CREB5: variants seen among roughly 807,000 people sequenced by gnomAD.
The protein encoded by CREB5 is cAMP responsive element binding protein 5.
Under a neutral mutation model 57.1 loss-of-function variants are expected in CREB5, and 19 were observed. That is an observed-to-expected ratio of 0.33 (90% CI 0.23 to 0.49). The LOEUF (loss-of-function observed/expected upper bound fraction) is 0.49. Among genes scored for constraint, CREB5 ranks in the 20% least tolerant of loss-of-function variants. CREB5 has a pLI of 0.99. For missense variants in CREB5, 579 were observed against 671.6 expected, an observed-to-expected ratio of 0.86 and a Z score of 1.52; for synonymous variants, 238 against 238.3, an observed-to-expected ratio of 1.00 and a Z score of 0.01.
chr7:28,524,532 G>A (rs937061327), intron 4 of CREB5, among the ~76,000 whole-genome samples: 1 of 152,104 alleles, frequency 6.6e-6, no homozygotes, highest in African/African-American at 2.4e-5. Flanking sequence ...GCCAATTCAT[G>A]AAAGAGCTAG....
At chr7:28,445,705 C>T (rs1441179429) in intron 1 of CREB5, among the ~76,000 whole-genome samples, 1 of 152,058 alleles carries the variant, frequency 6.6e-6, no homozygotes, top group Non-Finnish European at 1.5e-5. Context: ...GCGCCCGCCA[C>T]CACGCCTGGC....
rs1186125578 is a variant in CREB5, at chr7:28,821,793, GTTT to G, written c.*2518_*2520del. The G allele has an allele frequency of 6.6e-6, 1 of 152,468 alleles. No individual in the cohort carries two copies. Among genetic ancestry groups the G allele is most frequent in the African/African-American group, 2.4e-5 (1 of 41,382 alleles). 9.4% of individuals were successfully genotyped at this position (152,468 alleles called of 1,614,324 possible). A position where few individuals can be genotyped will look rare whatever the true frequency, so the allele number is the denominator to read the frequency against. ...AGAGTGCATTAAAATGTTTAGTTGGGTTTTTTAATTTTTAATTTTTATGTTATG... is the reference window on the plus strand; with the variant it reads ...AGAGTGCATTAAAATGTTTAGTTGGGTTTAATTTTTAATTTTTATGTTATG... On this transcript the variant is annotated 3_prime_UTR_variant, in exon 11 of 11. Transcript: ENST00000357727.
intron 7 of CREB5, among the ~76,000 whole-genome samples, chr7:28,753,755 T>C (rs1805118603): frequency 6.6e-6 from 1 of 152,154 alleles, no homozygotes; most frequent in Admixed American, 6.5e-5. Flanking sequence ...AGTGAAATGA[T>C]TAAAATTTTT....
In CREB5 at chr7:28,760,893, A is replaced by G. The variant is rs1039779197; in HGVS notation, c.702+36561A>G. On this transcript the variant is annotated intron_variant, in intron 7 of 10. Transcript: ENST00000357727. ...ATTAGGTGTAATAATAGTGCTTTTC[A>G]TTTTCAAAGCACTTTGAAAATGCTA... is the stretch of plus-strand genomic sequence containing the variant. Among the ~76,000 whole-genome samples, 14 of 152,310 alleles carry G rather than the reference A, an allele frequency of 9.2e-5. No homozygotes were observed. In the East Asian group the frequency reaches 2.7e-3, roughly 29 times the overall value.
intron 5 of CREB5, among the ~76,000 whole-genome samples, chr7:28,572,592 G>A (rs1258495775): frequency 6.6e-6 from 1 of 152,054 alleles, no homozygotes; most frequent in Non-Finnish European, 1.5e-5. Flanking sequence ...CCCCCCTGGA[G>A]TTCTCCTGCC....
At chr7:28,589,064 A>G (rs1229958070) in intron 5 of CREB5, among the ~76,000 whole-genome samples, 1 of 152,148 alleles carries the variant, frequency 6.6e-6, no homozygotes, top group East Asian at 1.9e-4. Context: ...ACTTTGAAAC[A>G]TTTCAAACAC....
At chr7:28,603,749 C>T (rs1562522760) in intron 5 of CREB5, among the ~76,000 whole-genome samples, 1 of 152,122 alleles carries the variant, frequency 6.6e-6, no homozygotes. Flanking sequence ...TTACTTAGTC[C>T]GTTAGTTGGT....
rs1453748543 is a variant in CREB5, at chr7:28,820,413, TA to T, written c.*1135del. On this transcript the variant is annotated 3_prime_UTR_variant, in exon 11 of 11. Coordinates refer to ENST00000357727, the MANE Select transcript of CREB5 (RefSeq NM_182898.4). ...CATCAGCTGCTAATAGCCTAAGATTTATTTTTTTTTTTTTCTTAAGCCTATG... is the reference window on the plus strand; with the variant it reads ...CATCAGCTGCTAATAGCCTAAGATTTTTTTTTTTTTTTTCTTAAGCCTATG... 3.7e-5 allele frequency: 3 copies of T among 81,042 alleles called. No homozygotes were observed. Among genetic ancestry groups the T allele is most frequent in the African/African-American group, 1.5e-4 (3 of 20,396 alleles). The allele number at this position is 81,042 out of a possible 1,614,324, so 5.0% of individuals were successfully genotyped here. A position where few individuals can be genotyped will look rare whatever the true frequency, so the allele number is the denominator to read the frequency against.
chr7:28,600,929 G>GC (rs1330745864), intron 5 of CREB5, among the ~76,000 whole-genome samples: 1 of 152,046 alleles, frequency 6.6e-6, no homozygotes, highest in Non-Finnish European at 1.5e-5. Context: ...TGGCTTCCCT[G>GC]CCCCCCTAAG....
At chr7:28,768,199 C>T (rs1362377509) in intron 7 of CREB5, among the ~76,000 whole-genome samples, 1 of 152,062 alleles carries the variant, frequency 6.6e-6, no homozygotes, top group Admixed American at 6.6e-5. Context: ...GGACCTTCTT[C>T]TGTTTCCTCA....
At chr7:28,677,869 A>G (rs1490755346) in intron 5 of CREB5, among the ~76,000 whole-genome samples, 1 of 152,104 alleles carries the variant, frequency 6.6e-6, no homozygotes, top group Non-Finnish European at 1.5e-5. Flanking sequence ...AGCCTGGGCA[A>G]TGCAGTGAGA....
intron 1 of CREB5, among the ~76,000 whole-genome samples, chr7:28,487,298 A>G (rs1014590645): frequency 1.3e-5 from 2 of 152,128 alleles, no homozygotes; most frequent in African/African-American, 4.8e-5. Flanking sequence ...AGATTACATT[A>G]TCGATCCAAC....
intron 1 of CREB5, among the ~76,000 whole-genome samples, chr7:28,446,684 T>C (rs1022883918): frequency 1.3e-5 from 2 of 151,972 alleles, no homozygotes. Context: ...CCCAGCTACT[T>C]GGGAGGCTGA....
At chr7:28,442,614 A>G (rs1243351184) in intron 1 of CREB5, among the ~76,000 whole-genome samples, 2 of 152,130 alleles carry the variant, frequency 1.3e-5, no homozygotes, top group African/African-American at 4.8e-5. Flanking sequence ...CACTGTCAGC[A>G]TGTGTTAACT....
intron 9 of CREB5, among the ~76,000 whole-genome samples, chr7:28,813,313 T>A (rs1252955741): frequency 6.6e-6 from 1 of 152,234 alleles, no homozygotes; most frequent in African/African-American, 2.4e-5. Flanking sequence ...CATCGACTGC[T>A]GATGTGGTAC....
chr7:28,670,605 G>A (rs1160306594), intron 5 of CREB5, among the ~76,000 whole-genome samples: 4 of 152,074 alleles, frequency 2.6e-5, no homozygotes, highest in Admixed American at 6.6e-5. Context: ...TACAGAGTAC[G>A]GCATAAGGGG....
At chr7:28,526,920 T>C (rs1177413382) in intron 4 of CREB5, among the ~76,000 whole-genome samples, 3 of 152,220 alleles carry the variant, frequency 2.0e-5, no homozygotes, top group Non-Finnish European at 4.4e-5. Flanking sequence ...TGGTATCTAA[T>C]TCATCCATCT....
At chr7:28,374,071 T>C (rs763749633) in intron 1 of CREB5, among the ~76,000 whole-genome samples, 5 of 152,106 alleles carry the variant, frequency 3.3e-5, no homozygotes, top group Non-Finnish European at 7.4e-5. Flanking sequence ...TTTGAATAAA[T>C]GCTTAATTAA....
rs150840581 is a variant in CREB5 at position 28,454,750 on chromosome 7, T to C, written c.4-33425T>C. Among the ~76,000 whole-genome samples, 1,087 of 152,312 alleles carry C rather than the reference T, an allele frequency of 7.1e-3. 7 individuals carry two copies. The highest frequency in any genetic ancestry group is 0.011 in the Non-Finnish European group (751 of 68,036). Reference sequence around the variant, plus strand: ...TTATTTCTATGGGTGCTATTAAGCATATAAAATTTTTTTTCAAAAGGACTG... The same window carrying C: ...TTATTTCTATGGGTGCTATTAAGCACATAAAATTTTTTTTCAAAAGGACTG... On this transcript the variant is annotated intron_variant, in intron 1 of 10. Transcript: ENST00000357727.
Sources: gnomAD v4.1 joint callset for allele counts (sites outside exome capture counted in the v4.1 genomes callset) on GRCh38, gnomAD v4.1.1 for gene constraint, MANE v1.5 for transcripts, NCBI Gene and HGNC (gene_info 2026-07-23, HGNC 2026-07-21) for gene names.